The following DTNA variants were observed in gnomAD, a reference collection of about 807,000 sequenced individuals.
DTNA encodes dystrophin-related protein 3.
A neutral mutation model predicts 100.7 loss-of-function variants in DTNA; 43 were observed. The ratio of observed to expected loss-of-function variants is 0.43; its 90% confidence interval spans 0.33 to 0.55. The LOEUF (loss-of-function observed/expected upper bound fraction) is 0.55, where lower values mean the gene tolerates loss of function less well. Among genes scored for constraint, DTNA ranks in the 20% least tolerant of loss-of-function variants. The pLI, the probability that DTNA is intolerant of heterozygous loss-of-function variation, is 0.04. For missense variants in DTNA, 798 were observed against 953.9 expected (o/e 0.84, Z 2.15); for synonymous variants, 349 against 347.9 (o/e 1.00, Z -0.04).
At chr18:34,833,016 G>T (rs1180426276) in intron 11 of DTNA, among the ~76,000 whole-genome samples, 1 of 151,990 alleles carries the variant, frequency 6.6e-6, no homozygotes, top group Non-Finnish European at 1.5e-5. Context: ...GAAAATATCT[G>T]TTCTTAATTT....
At chr18:34,721,609 G>A (rs1218665156) in intron 1 of DTNA, among the ~76,000 whole-genome samples, 1 of 152,150 alleles carries the variant, frequency 6.6e-6, no homozygotes, top group Non-Finnish European at 1.5e-5. Flanking sequence ...ACTGGACAAA[G>A]CCAGAAGGCA....
At chr18:34,851,985 C>T in intron 15 of DTNA, 57 bp downstream of exon 15, 1 of 1,564,066 alleles carries the variant, frequency 6.4e-7, no homozygotes, top group South Asian at 1.1e-5. Context: ...CCTTAATAAA[C>T]TATGGTCGTG....
intron 17 of DTNA, among the ~76,000 whole-genome samples, chr18:34,864,374 C>T (rs935677872): frequency 5.9e-5 from 9 of 152,002 alleles, no homozygotes; most frequent in Non-Finnish European, 1.0e-4. Flanking sequence ...CCTCAGCCCC[C>T]CGCCGAGTAG....
At chr18:34,796,083 A>G (rs1262916333) in intron 4 of DTNA, among the ~76,000 whole-genome samples, 1 of 152,252 alleles carries the variant, frequency 6.6e-6, no homozygotes, top group Non-Finnish European at 1.5e-5. Context: ...TGTACTTTCA[A>G]TAATCTCACT....
chr18:34,769,725 C>CT (rs61242937), intron 3 of DTNA, among the ~76,000 whole-genome samples: 2,579 of 53,874 alleles, frequency 0.048, 615 homozygotes, highest in East Asian at 0.11. Flanking sequence ...CCCTCTGGGG[C>CT]TTTTTTTTTT....
At chr18:34,538,226 G>A (rs2043909939) in intron 1 of DTNA, among the ~76,000 whole-genome samples, 2 of 152,074 alleles carry the variant, frequency 1.3e-5, no homozygotes, top group Admixed American at 1.3e-4. Context: ...TGTTGACGCA[G>A]ATTCTCAGGC....
intron 1 of DTNA, among the ~76,000 whole-genome samples, chr18:34,676,757 C>G (rs955307938): frequency 4.6e-5 from 7 of 152,110 alleles, no homozygotes; most frequent in African/African-American, 1.4e-4. Flanking sequence ...ATTGCTTGAG[C>G]CTGGGGAGCT....
intron 1 of DTNA, among the ~76,000 whole-genome samples, chr18:34,672,822 A>T (rs953346873): frequency 2.4e-4 from 37 of 152,274 alleles, no homozygotes; most frequent in African/African-American, 8.9e-4. Context: ...ATGCACAAAC[A>T]TATGTCTGTG....
intron 5 of DTNA, among the ~76,000 whole-genome samples, chr18:34,807,774 A>C (rs1402735135): frequency 6.6e-6 from 1 of 151,870 alleles, no homozygotes; most frequent in African/African-American, 2.4e-5. Flanking sequence ...AGATATAGAA[A>C]ATTAAAAACT....
intron 1 of DTNA, among the ~76,000 whole-genome samples, chr18:34,510,021 T>A (rs1341768023): frequency 1.3e-5 from 2 of 150,982 alleles, no homozygotes; most frequent in Non-Finnish European, 3.0e-5. Flanking sequence ...CCAATAGTAG[T>A]TTAAGGGATA....
intron 13 of DTNA, among the ~76,000 whole-genome samples, chr18:34,840,244 A>T (rs2149743342): frequency 6.6e-6 from 1 of 152,266 alleles, no homozygotes; most frequent in East Asian, 1.9e-4. Context: ...TCTTTCTTCA[A>T]ATTTTGTGAG....
intron 1 of DTNA, among the ~76,000 whole-genome samples, chr18:34,541,471 G>A (rs2044238635): frequency 6.6e-6 from 1 of 151,968 alleles, no homozygotes; most frequent in Non-Finnish European, 1.5e-5. Flanking sequence ...TTGTGAATAA[G>A]TCTCATGAGG....
chr18:34,619,657 G>A (rs2056063219), intron 1 of DTNA, among the ~76,000 whole-genome samples: 1 of 152,182 alleles, frequency 6.6e-6, no homozygotes, highest in Non-Finnish European at 1.5e-5. Flanking sequence ...GATAGAGGAT[G>A]TGGGAAAAGG....
intron 14 of DTNA, among the ~76,000 whole-genome samples, chr18:34,851,146 C>T (rs1226866331): frequency 6.6e-6 from 1 of 152,116 alleles, no homozygotes; most frequent in Non-Finnish European, 1.5e-5. Flanking sequence ...CTCTGTCACC[C>T]AGGCTGGAAT....
intron 3 of DTNA, among the ~76,000 whole-genome samples, chr18:34,782,773 A>G (rs1168729497): frequency 1.3e-5 from 2 of 152,242 alleles, no homozygotes; most frequent in African/African-American, 4.8e-5. Context: ...TGAGGTCCAA[A>G]CACTGATTTT....
chr18:34,640,401 G>A (rs2059143856), intron 1 of DTNA, among the ~76,000 whole-genome samples: 1 of 152,102 alleles, frequency 6.6e-6, no homozygotes, highest in South Asian at 2.1e-4. Context: ...CTGTATTGAT[G>A]CTCCAGGTCC....
intron 1 of DTNA, chr18:34,504,262 A>G (rs1280076810): frequency 1.3e-5 from 2 of 152,128 alleles, no homozygotes; most frequent in Non-Finnish European, 1.5e-5. Context: ...ATCAATTTGA[A>G]TGAAGTATAG....
In DTNA at chr18:34,851,829, A is replaced by G. The variant is rs747096793; in HGVS notation, c.1435-2A>G. On this transcript the variant is annotated splice_acceptor_variant, in intron 14 of 22. Transcript: ENST00000444659. LOFTEE classifies it high-confidence loss of function. ...AAATCTTATAAACTACATATTTTAC[A>G]GCAGCCACCTCAGCAGAGAAGTGCT... The G allele has an allele frequency of 6.2e-7, 1 of 1,613,984 alleles. No homozygotes were observed. The highest frequency in any genetic ancestry group is 8.5e-7 in the Non-Finnish European group (1 of 1,179,868).
At chr18:34,703,398 C>T (rs1008961000) in intron 1 of DTNA, among the ~76,000 whole-genome samples, 15 of 152,282 alleles carry the variant, frequency 9.9e-5, no homozygotes, top group Middle Eastern at 3.4e-3. Context: ...CAGTAAAAAA[C>T]GAAGAACATC....
Sources: gnomAD v4.1 joint callset for allele counts (sites outside exome capture counted in the v4.1 genomes callset) on GRCh38, gnomAD v4.1.1 for gene constraint, MANE v1.5 for transcripts, NCBI Gene and HGNC (gene_info 2026-07-23, HGNC 2026-07-21) for gene names.